The following MRPL32 variants were observed in gnomAD, a reference collection of about 807,000 sequenced individuals.
MRPL32 encodes large ribosomal subunit protein bL32m.
In MRPL32, 14 loss-of-function variants were observed where a neutral mutation model predicts 21.7. That is an observed-to-expected ratio of 0.64 (90% CI 0.43 to 1.01). The LOEUF is 1.01. MRPL32 is among the 50% of genes least tolerant of loss of function. The pLI is 0.00. For synonymous variants in MRPL32, 83 were observed against 87.7 expected (o/e 0.95, Z 0.30); for missense variants, 211 against 235.9 (o/e 0.89, Z 0.69).
intron 1 of MRPL32, among the ~76,000 whole-genome samples, chr7:42,932,844 G>A (rs1226328560): frequency 1.3e-5 from 2 of 151,952 alleles, no homozygotes; most frequent in East Asian, 3.9e-4. Flanking sequence ...CAGGTAAAGA[G>A]CTGAGCTCCA....
Position 42,932,410 on chromosome 7 carries a change from G to C in MRPL32, c.24G>C (p.Leu8Phe). Reference protein sequence around the residue: MALAMLVLVVSPWSAARG... With the variant: MALAMLVFVVSPWSAARG... Reference sequence around the variant, plus strand: ...AAATGGCGCTGGCCATGCTGGTCTTGGTGGTTTCGCCGTGGTCTGCGGCCC... The same window carrying C: ...AAATGGCGCTGGCCATGCTGGTCTTCGTGGTTTCGCCGTGGTCTGCGGCCC... Residue 8 changes from leucine (L) to phenylalanine (F), a missense_variant, in exon 1 of 3, where the codon TTG becomes TTC. Coordinates refer to ENST00000223324, the MANE Select transcript of MRPL32 (RefSeq NM_031903.3). The C allele has an allele frequency of 3.1e-6, 5 of 1,611,778 alleles. No individual in the cohort carries two copies. The highest frequency in any genetic ancestry group is 2.2e-5 in the East Asian group (1 of 44,830).
chr7:42,933,241 T>G (rs530102258), intron 1 of MRPL32, among the ~76,000 whole-genome samples: 1 of 152,230 alleles, frequency 6.6e-6, no homozygotes, highest in South Asian at 2.1e-4. Context: ...AGCGTTGAGC[T>G]TTCTCAGGCA....
At chr7:42,936,619 T>A (rs1356885805) in intron 2 of MRPL32, 1 of 151,168 alleles carries the variant, frequency 6.6e-6, no homozygotes, top group Non-Finnish European at 1.5e-5. Context: ...AGTTGATAAA[T>A]CTTTTAGAGG....
At chr7:42,935,240 G>GC in intron 2 of MRPL32, 104 bp downstream of exon 2, 1 of 949,672 alleles carries the variant, frequency 1.1e-6, no homozygotes, top group Admixed American at 2.9e-5. Flanking sequence ...CAGATTATAT[G>GC]TGTCTACTTT....
chr7:42,936,688 C>CTATA (rs1491074878), intron 2 of MRPL32: 1 of 147,780 alleles, frequency 6.8e-6, no homozygotes, highest in Non-Finnish European at 1.5e-5. Context: ...ATATCTATCT[C>CTATA]TATATATATA....
chr7:42,936,686 C>CTATATATATATA (rs201488171), intron 2 of MRPL32: 2 of 129,324 alleles, frequency 1.5e-5, no homozygotes. Flanking sequence ...CTATATCTAT[C>CTATATATATATA]TCTATATATA....
chr7:42,936,454 T>C (rs898859145), intron 2 of MRPL32: 2 of 152,204 alleles, frequency 1.3e-5, no homozygotes, highest in African/African-American at 4.8e-5. Context: ...AGGCAAGTAA[T>C]ATACAAGCCT....
At chr7:42,932,623 GCCT>G in intron 1 of MRPL32, 107 bp downstream of exon 1, 3 of 1,268,048 alleles carry the variant, frequency 2.4e-6, no homozygotes, top group Non-Finnish European at 3.1e-6. Flanking sequence ...CTGATCCGCG[GCCT>G]CATGTCGGGG....
chr7:42,935,554 A>G (rs1484800381), intron 2 of MRPL32: 1 of 153,716 alleles, frequency 6.5e-6, no homozygotes, highest in Admixed American at 6.5e-5. Context: ...TATTTGTTTT[A>G]TTTTTTTATC....
chr7:42,934,853 TG>T (rs2128676058), intron 1 of MRPL32, 101 bp from the exon 2 acceptor site: 1 of 758,322 alleles, frequency 1.3e-6, no homozygotes, highest in East Asian at 2.9e-5. Flanking sequence ...AGTTTTTGTG[TG>T]TGTGTATGTT....
In MRPL32 at chr7:42,937,338, G is replaced by C; in HGVS notation, c.329G>C (p.Cys110Ser). ...GTTTTAAAGAACAACATAGACGTTT[G>C]TCCTGAATGTGGTCACCTGAAACAG... ...LIKVKNNIDV[C>S]PECGHLKQKH... is the part of the protein sequence containing the mutation. Residue 110 changes from cysteine (C) to serine (S), a missense_variant, in exon 3 of 3, where the codon TGT (cysteine) becomes TCT (serine). By Grantham distance (112) the Cys-to-Ser change is moderately radical. Around this residue, in one of 2 missense-constraint regions of MRPL32, gnomAD observed 130 missense variants for 180.1 expected, o/e 0.72. Coordinates refer to ENST00000223324, the MANE Select transcript of MRPL32 (RefSeq NM_031903.3). 1 of 1,614,190 alleles carries C rather than the reference G, an allele frequency of 6.2e-7. No homozygotes were observed. Among genetic ancestry groups the C allele is most frequent in the Non-Finnish European group, 8.5e-7 (1 of 1,180,024 alleles).
chr7:42,932,608 C>A (rs1201553913), intron 1 of MRPL32, 92 bp downstream of exon 1: 1 of 1,352,966 alleles, frequency 7.4e-7, no homozygotes. Flanking sequence ...CCCTCAGCCC[C>A]GGTTCTGATC....
chr7:42,932,408 T>A lies in MRPL32; in HGVS notation c.22T>A (p.Leu8Met), dbSNP rs909873814. 6.2e-7 allele frequency: 1 copy of A among 1,611,758 alleles called. No homozygotes were observed. The highest frequency in any genetic ancestry group is 8.5e-7 in the Non-Finnish European group (1 of 1,178,552). The change falls in exon 1 of 3, where the codon TTG (leucine) becomes ATG (methionine). Residue 8 changes from leucine to methionine, a missense_variant. Coordinates refer to ENST00000223324, the MANE Select transcript of MRPL32 (RefSeq NM_031903.3). MALAMLV[L>M]VVSPWSAARG... ...GAAAATGGCGCTGGCCATGCTGGTC[T>A]TGGTGGTTTCGCCGTGGTCTGCGGC...
chr7:42,932,766 T>C (rs1005316612), intron 1 of MRPL32, among the ~76,000 whole-genome samples: 17 of 150,570 alleles, frequency 1.1e-4, no homozygotes, highest in African/African-American at 4.2e-4. Context: ...CCCAAGCTTG[T>C]GTCAAAGATA....
In MRPL32 at chr7:42,932,466, T is replaced by C; in HGVS notation, c.80T>C (p.Leu27Pro). 1 of 1,611,980 alleles carries C rather than the reference T, an allele frequency of 6.2e-7. No individual in the cohort carries two copies. The highest frequency in any genetic ancestry group is 8.5e-7 in the Non-Finnish European group (1 of 1,178,424). ...GTGCTTCGAAACTACTGGGAGCGAC[T>C]GCTACGGAAGCTTCCGCAGAGCCGG... ...RGVLRNYWERLLRKLPQSRPG... is the reference protein window; with the variant it reads ...RGVLRNYWERPLRKLPQSRPG... The change falls in exon 1 of 3, where the codon CTG becomes CCG. Residue 27 changes from leucine to proline, a missense_variant. Transcript: ENST00000223324.
At position 42,937,689 on chromosome 7, in the gene MRPL32, C is replaced by G; in HGVS notation, c.*113C>G. Reference sequence around the variant, plus strand: ...AATCATCAGTATAGTTTAACACATTCTTTCTAAGCAGTTTTGTGTGGGATA... The same window carrying G: ...AATCATCAGTATAGTTTAACACATTGTTTCTAAGCAGTTTTGTGTGGGATA... On this transcript the variant is annotated 3_prime_UTR_variant, in exon 3 of 3. Coordinates refer to ENST00000223324, the MANE Select transcript of MRPL32 (RefSeq NM_031903.3). 1 of 1,148,738 alleles carries G rather than the reference C, an allele frequency of 8.7e-7. No individual in the cohort carries two copies. The highest frequency in any genetic ancestry group is 1.8e-5 in the South Asian group (1 of 55,112). The allele number at this position is 1,148,738 out of a possible 1,614,324, so 71.2% of individuals were successfully genotyped here. A position where few individuals can be genotyped will look rare whatever the true frequency, so the allele number is the denominator to read the frequency against.
At chr7:42,936,848 A>C (rs1274033142) in intron 2 of MRPL32, 2 of 251,054 alleles carry the variant, frequency 8.0e-6, no homozygotes, top group Non-Finnish European at 1.6e-5. Flanking sequence ...TTTGAATTAC[A>C]CTGTGATAAA....
At chr7:42,935,835 C>G (rs1256220826) in intron 2 of MRPL32, 1 of 152,162 alleles carries the variant, frequency 6.6e-6, no homozygotes, top group East Asian at 1.9e-4. Context: ...TTTGTGTTCT[C>G]CTATCCTCAG....
At position 42,932,434 on chromosome 7, in the gene MRPL32, C is replaced by T. The variant is rs1392309882; in HGVS notation, c.48C>T (p.Ala16=). The part of the protein sequence containing the change: ...LVLVVSPWSA[A]RGVLRNYWER... The stretch of plus-strand genomic sequence containing the variant: ...TGGTGGTTTCGCCGTGGTCTGCGGC[C>T]CGGGGAGTGCTTCGAAACTACTGGG... The change falls in exon 1 of 3, where the codon GCC becomes GCT. Residue 16 remains alanine (A), a synonymous_variant. Coordinates refer to ENST00000223324, the MANE Select transcript of MRPL32 (RefSeq NM_031903.3). 7 of 1,612,392 alleles carry T rather than the reference C, an allele frequency of 4.3e-6. No individual in the cohort carries two copies. The highest frequency in any genetic ancestry group is 5.1e-6 in the Non-Finnish European group (6 of 1,179,068).
Sources: gnomAD v4.1 joint callset for allele counts (sites outside exome capture counted in the v4.1 genomes callset) on GRCh38, gnomAD v4.1.1 for gene constraint, gnomAD v4.1.1 regional missense constraint, MANE v1.5 for transcripts, NCBI Gene and HGNC (gene_info 2026-07-23, HGNC 2026-07-21) for gene names.